TRIM51G: variants seen among roughly 807,000 people sequenced by gnomAD.
TRIM51G encodes the protein tripartite motif-containing 51G, also known as tripartite motif-containing protein 51G.
the TRIM51G span, among the ~76,000 whole-genome samples, chr11:48,981,935 A>G: frequency 1.3e-5 from 2 of 152,176 alleles, no homozygotes; most frequent in South Asian, 4.1e-4. Flanking sequence ...CCTGCCCATA[A>G]CATAATGCAA....
At chr11:48,982,066 G>A in the TRIM51G span, among the ~76,000 whole-genome samples, 3 of 152,206 alleles carry the variant, frequency 2.0e-5, no homozygotes, top group East Asian at 5.8e-4. Flanking sequence ...ATGACTGTGG[G>A]AGAGGTGTAG....
chr11:48,982,957 A>ATATG, the TRIM51G span, among the ~76,000 whole-genome samples: 1 of 14,122 alleles, frequency 7.1e-5, no homozygotes. Context: ...GTATATATAC[A>ATATG]TATATATATA....
the TRIM51G span, chr11:48,975,913 G>C: frequency 5.2e-6 from 4 of 764,008 alleles, no homozygotes; most frequent in East Asian, 7.5e-5. Context: ...ATCATGTTGA[G>C]GGTCACATCC....
chr11:48,981,635 A>C, the TRIM51G span: 1 of 1,599,308 alleles, frequency 6.3e-7, no homozygotes, highest in African/African-American at 1.3e-5. Context: ...TCTATGAAGT[A>C]GTTCATGCAG....
the TRIM51G span, among the ~76,000 whole-genome samples, chr11:48,977,653 G>A: frequency 1.3e-5 from 2 of 152,082 alleles, no homozygotes; most frequent in Admixed American, 6.6e-5. Flanking sequence ...ATTCCAAATA[G>A]TTTGTTTCAT....
chr11:48,978,994 C>G, the TRIM51G span: 1 of 1,456,356 alleles, frequency 6.9e-7, no homozygotes, highest in Non-Finnish European at 9.7e-7. Context: ...AAAATGTCCT[C>G]GCCCTCCTTT....
chr11:48,978,336 A>G, the TRIM51G span, among the ~76,000 whole-genome samples: 1 of 152,224 alleles, frequency 6.6e-6, no homozygotes, highest in East Asian at 1.9e-4. Context: ...TCATGAATTT[A>G]TGTCCTGATA....
chr11:48,981,639 C>T, the TRIM51G span: 1 of 1,599,490 alleles, frequency 6.3e-7, no homozygotes, highest in Non-Finnish European at 8.6e-7. Context: ...TGAAGTAGTT[C>T]ATGCAGATGG....
the TRIM51G span, chr11:48,977,188 AG>A: frequency 8.2e-7 from 1 of 1,218,166 alleles, no homozygotes; most frequent in Non-Finnish European, 1.2e-6. Flanking sequence ...CATACCTGCA[AG>A]GAGAAAGATA....
the TRIM51G span, among the ~76,000 whole-genome samples, chr11:48,982,211 A>G: frequency 1.3e-5 from 2 of 152,118 alleles, 1 homozygote; most frequent in African/African-American, 4.8e-5. Context: ...CAGATAAACA[A>G]AAAGACAACA....
chr11:48,979,889 A>T, the TRIM51G span, among the ~76,000 whole-genome samples: 1 of 151,452 alleles, frequency 6.6e-6, no homozygotes, highest in South Asian at 2.1e-4. Flanking sequence ...AAACAGGAGG[A>T]TATATATATT....
chr11:48,982,178 A>T, the TRIM51G span, among the ~76,000 whole-genome samples: 1 of 152,088 alleles, frequency 6.6e-6, no homozygotes, highest in East Asian at 1.9e-4. Flanking sequence ...AAACAAAAAC[A>T]ACCCCAGAAC....
At chr11:48,978,757 TC>T in the TRIM51G span, 1 of 562,094 alleles carries the variant, frequency 1.8e-6, no homozygotes. Flanking sequence ...AGTTATAGAA[TC>T]GTGTTTTTGG....
chr11:48,979,896 T>C, the TRIM51G span, among the ~76,000 whole-genome samples: 1 of 151,614 alleles, frequency 6.6e-6, no homozygotes, highest in African/African-American at 2.4e-5. Flanking sequence ...AGGATATATA[T>C]ATTTGCTCCT....
the TRIM51G span, among the ~76,000 whole-genome samples, chr11:48,979,805 A>ATG: frequency 1.0e-5 from 1 of 98,634 alleles, no homozygotes; most frequent in South Asian, 6.1e-4. Flanking sequence ...ATATATCCAT[A>ATG]TATATATATA....
At chr11:48,980,828 A>C in the TRIM51G span, 1 of 428,780 alleles carries the variant, frequency 2.3e-6, no homozygotes, top group South Asian at 1.8e-5. Flanking sequence ...TTATGGGTTG[A>C]GATCAAGTTC....
At chr11:48,981,863 T>C in the TRIM51G span, among the ~76,000 whole-genome samples, 1 of 151,808 alleles carries the variant, frequency 6.6e-6, no homozygotes, top group Admixed American at 6.6e-5. Context: ...ACAAAGAGAG[T>C]CTTAAGGCTT....
the TRIM51G span, chr11:48,979,216 T>C: frequency 1.8e-6 from 1 of 563,018 alleles, no homozygotes; most frequent in South Asian, 1.7e-5. Flanking sequence ...TTGTCAATTC[T>C]CAGATTCCAC....
the TRIM51G span, chr11:48,979,058 A>C: frequency 2.1e-4 from 187 of 874,692 alleles, no homozygotes; most frequent in Non-Finnish European, 2.9e-4. Context: ...CAACCATCTT[A>C]TGATATTCAG....
Sources: gnomAD v4.1 joint callset for allele counts (sites outside exome capture counted in the v4.1 genomes callset) on GRCh38, gnomAD v4.1.1 for gene constraint, MANE v1.5 for transcripts, NCBI Gene and HGNC (gene_info 2026-07-23, HGNC 2026-07-21) for gene names.